Variants in STT3B observed in about 807,000 individuals in gnomAD.
STT3B encodes dolichyl-diphosphooligosaccharide--protein glycosyltransferase subunit STT3B.
STT3B carries 29 observed loss-of-function variants against 96.8 expected under a neutral mutation model. That is an observed-to-expected ratio of 0.30 (90% CI 0.22 to 0.41). The LOEUF (loss-of-function observed/expected upper bound fraction) is 0.41, where lower values mean the gene tolerates loss of function less well. Ranked by LOEUF, STT3B falls within the 10% of genes least tolerant of loss-of-function variation. STT3B has a pLI of 1.00. For synonymous variants in STT3B, 367 were observed against 360.0 expected, an observed-to-expected ratio of 1.02 and a Z score of -0.22; for missense variants, 640 against 1,022.3, an observed-to-expected ratio of 0.63 and a Z score of 5.10.
At chr3:31,568,315 A>G (rs921765719) in intron 1 of STT3B, among the ~76,000 whole-genome samples, 18 of 152,190 alleles carry the variant, frequency 1.2e-4, no homozygotes, top group African/African-American at 3.6e-4. Flanking sequence ...TAATGCTGCA[A>G]TAAACATGAG....
rs192453638 is a variant in STT3B at position 31,612,980 on chromosome 3, T to C, written c.878-2125T>C. Among the ~76,000 whole-genome samples the C allele has an allele frequency of 4.8e-3, 724 of 152,278 alleles. 4 individuals carry two copies. Among genetic ancestry groups the C allele is most frequent in the Non-Finnish European group, 4.2e-3 (285 of 68,004 alleles). On this transcript the variant is annotated intron_variant, in intron 5 of 15. Coordinates refer to ENST00000295770, the MANE Select transcript of STT3B (RefSeq NM_178862.3). ...TTTTTACTTTAAGACAAAAACAACA[T>C]CTATTACCTTTGCAATTGAACCAAT...
chr3:31,632,532 G>T (rs1366094491), intron 14 of STT3B, among the ~76,000 whole-genome samples: 2 of 152,154 alleles, frequency 1.3e-5, no homozygotes, highest in Non-Finnish European at 2.9e-5. Context: ...CCATGCAAAA[G>T]AGCTGAATGA....
chr3:31,534,917 T>A (rs2125431495), intron 1 of STT3B, among the ~76,000 whole-genome samples: 1 of 152,314 alleles, frequency 6.6e-6, no homozygotes, highest in Middle Eastern at 3.4e-3. Context: ...ATTGACACAA[T>A]ATTATTAGGT....
intron 1 of STT3B, among the ~76,000 whole-genome samples, chr3:31,541,789 G>A (rs1697278998): frequency 6.6e-6 from 1 of 152,026 alleles, no homozygotes. Flanking sequence ...TGTTAGCCAG[G>A]ATGGTCTCGA....
rs538059619 is a variant in STT3B at position 31,559,021 on chromosome 3, A to G, written c.315-17375A>G. 4.8e-3 allele frequency among the ~76,000 whole-genome samples: 688 copies of G among 144,150 alleles called. 3 individuals are homozygous for G. Among genetic ancestry groups the G allele is most frequent in the African/African-American group, 0.017 (660 of 39,298 alleles). 94.6% of individuals were successfully genotyped at this position (144,150 alleles called of 152,430 possible). A position where few individuals can be genotyped will look rare whatever the true frequency, so the allele number is the denominator to read the frequency against. The stretch of plus-strand genomic sequence containing the variant: ...ACTAATTTGTAGTGTCTTTGTTTTC[A>G]TTTCTGATTATAGTTGGGTCTTTCT... On this transcript the variant is annotated intron_variant, in intron 1 of 15. Coordinates refer to ENST00000295770, the MANE Select transcript of STT3B (RefSeq NM_178862.3).
At chr3:31,533,599 G>C in intron 1 of STT3B, 1 of 237,726 alleles carries the variant, frequency 4.2e-6, no homozygotes, top group Non-Finnish European at 7.9e-6. Context: ...CGCCGGGAGT[G>C]TGGGTGCAGC....
intron 1 of STT3B, among the ~76,000 whole-genome samples, chr3:31,566,126 T>C (rs1697998409): frequency 6.6e-6 from 1 of 152,208 alleles, no homozygotes; most frequent in African/African-American, 2.4e-5. Context: ...TTCAAAACTG[T>C]GTGTCCATTC....
At position 31,616,993 on chromosome 3, in the gene STT3B, A is replaced by T; in HGVS notation, c.1041A>T (p.Gln347His). The T allele has an allele frequency of 5.0e-6, 8 of 1,612,192 alleles. No individual in the cohort carries two copies. The highest frequency in any genetic ancestry group is 2.2e-5 in the East Asian group (1 of 44,838). The change falls in exon 7 of 16, where the codon CAA becomes CAT. Residue 347 changes from glutamine to histidine, a missense_variant. By Grantham distance (24) the Gln-to-His change is conservative. Around this residue, in one of 8 missense-constraint regions of STT3B, gnomAD observed 267 missense variants for 388.3 expected, o/e 0.69. Coordinates refer to ENST00000295770, the MANE Select transcript of STT3B (RefSeq NM_178862.3). ...ATCTGAGAGACCGATTAACAAAACA[A>T]GAGTTCCAGACCCTTTTCTTTTTGG... ...LQYLRDRLTK[Q>H]EFQTLFFLGV...
intron 3 of STT3B, among the ~76,000 whole-genome samples, chr3:31,594,819 T>C (rs561677337): frequency 9.4e-4 from 143 of 152,264 alleles, no homozygotes; most frequent in Non-Finnish European, 1.7e-3. Context: ...CCCTAAATTA[T>C]ACAGATAAAC....
intron 4 of STT3B, among the ~76,000 whole-genome samples, chr3:31,600,117 T>G (rs984057713): frequency 6.6e-6 from 1 of 152,168 alleles, no homozygotes; most frequent in African/African-American, 2.4e-5. Context: ...TAAATCTAAT[T>G]TAATTTGAAC....
chr3:31,587,567 G>A (rs1014275112), intron 3 of STT3B, among the ~76,000 whole-genome samples: 2 of 151,874 alleles, frequency 1.3e-5, no homozygotes, highest in Middle Eastern at 3.4e-3. Flanking sequence ...TATTTTCAAG[G>A]TTTGTCTATG....
chr3:31,601,526 T>C (rs566419827), intron 5 of STT3B, among the ~76,000 whole-genome samples: 7 of 152,280 alleles, frequency 4.6e-5, no homozygotes, highest in Admixed American at 3.9e-4. Context: ...AAGTAGAGTT[T>C]GTGGGAAATG....
intron 6 of STT3B, 85 bp downstream of exon 6, chr3:31,615,288 A>G (rs1239970527): frequency 7.6e-6 from 8 of 1,056,098 alleles, no homozygotes; most frequent in Non-Finnish European, 1.4e-6. Context: ...GTTTTTGATC[A>G]TTTTGGTTGT....
intron 15 of STT3B, among the ~76,000 whole-genome samples, chr3:31,635,241 G>A (rs1699735099): frequency 6.6e-6 from 1 of 152,142 alleles, no homozygotes; most frequent in African/African-American, 2.4e-5. Context: ...CTGTGTGTCA[G>A]ATTGAAAGAC....
chr3:31,610,393 A>C lies in STT3B; in HGVS notation c.878-4712A>C, dbSNP rs1473656246. On this transcript the variant is annotated intron_variant, in intron 5 of 15. Coordinates refer to ENST00000295770, the MANE Select transcript of STT3B (RefSeq NM_178862.3). ...CATGGGTTAAAGTTAATGGGAATATAGTATTTGCATAACCTTTTCTAACTT... is the reference window on the plus strand; with the variant it reads ...CATGGGTTAAAGTTAATGGGAATATCGTATTTGCATAACCTTTTCTAACTT... Among the ~76,000 whole-genome samples the C allele has an allele frequency of 3.9e-5, 6 of 152,228 alleles. No individual in the cohort carries two copies. In the East Asian group the frequency reaches 1.2e-3, roughly 29 times the overall value.
chr3:31,637,394 C>T lies in STT3B; in HGVS notation c.*1330C>T, dbSNP rs1286040439. The T allele has an allele frequency of 6.6e-6, 1 of 152,090 alleles. No individual in the cohort carries two copies. Among genetic ancestry groups the T allele is most frequent in the Non-Finnish European group, 1.5e-5 (1 of 68,004 alleles). 9.4% of individuals were successfully genotyped at this position (152,090 alleles called of 1,614,324 possible). A position where few individuals can be genotyped will look rare whatever the true frequency, so the allele number is the denominator to read the frequency against. ...AGAATGTTACTGCTGATTTTCTTTTCCAAGGTGTAGAATATTCTTTGATTT... is the reference window on the plus strand; with the variant it reads ...AGAATGTTACTGCTGATTTTCTTTTTCAAGGTGTAGAATATTCTTTGATTT... On this transcript the variant is annotated 3_prime_UTR_variant, in exon 16 of 16. Transcript: ENST00000295770.
chr3:31,569,214 A>G (rs1698080193), intron 1 of STT3B, among the ~76,000 whole-genome samples: 1 of 151,880 alleles, frequency 6.6e-6, no homozygotes, highest in South Asian at 2.1e-4. Flanking sequence ...CTGTTCTCGA[A>G]CTCCTGGGCT....
chr3:31,570,848 G>A (rs1407863553), intron 1 of STT3B, among the ~76,000 whole-genome samples: 1 of 152,066 alleles, frequency 6.6e-6, no homozygotes, highest in African/African-American at 2.4e-5. Flanking sequence ...GGCTAAACTA[G>A]CTTTACAGGG....
At chr3:31,578,013 G>T (rs1361482219) in intron 2 of STT3B, among the ~76,000 whole-genome samples, 1 of 152,024 alleles carries the variant, frequency 6.6e-6, no homozygotes, top group Non-Finnish European at 1.5e-5. Context: ...AATTTTAGGG[G>T]TTTCACTGGT....
Sources: allele counts gnomAD v4.1 joint callset (sites outside exome capture counted in the v4.1 genomes callset), GRCh38; gene constraint gnomAD v4.1.1; regional missense constraint gnomAD v4.1.1; transcripts MANE v1.5; gene names NCBI Gene and HGNC (gene_info 2026-07-23, HGNC 2026-07-21).